Variants in MID1 observed in about 807,000 individuals in gnomAD.
MID1 encodes midline 1.
A neutral mutation model predicts 40.4 loss-of-function variants in MID1; 7 were observed. That is an observed-to-expected ratio of 0.17 (90% CI 0.10 to 0.33). The LOEUF (loss-of-function observed/expected upper bound fraction) is 0.33. Among genes scored for constraint, MID1 ranks in the 10% least tolerant of loss-of-function variants. MID1 has a pLI of 1.00. For missense variants in MID1, 367 were observed against 558.5 expected (o/e 0.66, Z 3.46); for synonymous variants, 229 against 221.2 (o/e 1.04, Z -0.31).
At chrX:10,648,534 A>G (rs777847954) in intron 1 of MID1, among the ~76,000 whole-genome samples, 1 of 112,246 alleles carries the variant, frequency 8.9e-6, no homozygotes, top group Admixed American at 9.5e-5. Context: ...AAAACTCCTT[A>G]ACATATGTGA....
chrX:10,747,596 G>A (rs2043567426), intron 1 of MID1, among the ~76,000 whole-genome samples: 1 of 112,283 alleles, frequency 8.9e-6, no homozygotes, highest in Non-Finnish European at 1.9e-5. Flanking sequence ...GTCTTTTTGT[G>A]ATCTCAAATT....
intron 1 of MID1, among the ~76,000 whole-genome samples, chrX:10,628,927 A>G (rs919259417): frequency 9.0e-6 from 1 of 111,497 alleles, no homozygotes; most frequent in Non-Finnish European, 1.9e-5. Context: ...CCATCTCTCA[A>G]ACTCGAGAAC....
intron 1 of MID1, among the ~76,000 whole-genome samples, chrX:10,723,767 C>G (rs2043373082): frequency 8.9e-6 from 1 of 112,145 alleles, no homozygotes; most frequent in Non-Finnish European, 1.9e-5. Flanking sequence ...GTCTCGATCT[C>G]CTGACCTCGT....
At position 10,501,289 on chromosome X, in the gene MID1, G is replaced by GT. The variant is rs1036260008; in HGVS notation, c.757-5599dup. 29 of 707,141 alleles carry GT rather than the reference G, an allele frequency of 4.1e-5. No homozygotes were observed. The East Asian group carries it at 6.8e-4, about 17-fold the overall frequency. 58.3% of individuals were successfully genotyped at this position (707,141 alleles called of 1,213,427 possible). On this transcript the variant is annotated intron_variant, in intron 3 of 9. Coordinates refer to ENST00000317552, the MANE Select transcript of MID1 (RefSeq NM_000381.4). ...TCAGGCTAGGCTCCTCAATACTATG[G>GT]TTTTTTCTCACCTCAAGTACACTCA...
rs920695521 is a variant in MID1, at chrX:10,779,396, C to T, written c.-187+54158G>A. Reference sequence around the variant, plus strand: ...CCGTGTTGTCCAGGTTGGTTTTGAACTCCTGGGCTCAAGTAATTCTCCTGC... The same window carrying T: ...CCGTGTTGTCCAGGTTGGTTTTGAATTCCTGGGCTCAAGTAATTCTCCTGC... On this transcript the variant is annotated intron_variant, in intron 1 of 10. Coordinates refer to the MID1 transcript ENST00000380785. Among the ~76,000 whole-genome samples, 4 of 111,728 alleles carry T rather than the reference C, an allele frequency of 3.6e-5. No homozygotes were observed. In the Admixed American group the frequency reaches 3.8e-4, roughly 11 times the overall value.
intron 1 of MID1, among the ~76,000 whole-genome samples, chrX:10,601,824 C>A (rs939372753): frequency 9.0e-6 from 1 of 111,060 alleles, no homozygotes; most frequent in Admixed American, 9.5e-5. Flanking sequence ...TACCCCTGTT[C>A]CCTAGGGTTG....
At chrX:10,553,220 C>G (rs1259754812) in intron 2 of MID1, among the ~76,000 whole-genome samples, 1 of 107,439 alleles carries the variant, frequency 9.3e-6, no homozygotes, top group Non-Finnish European at 1.9e-5. Context: ...TGGACTCCAG[C>G]CTGGGCTATG....
At chrX:10,659,442 C>G (rs1344908180) in intron 1 of MID1, among the ~76,000 whole-genome samples, 3 of 111,788 alleles carry the variant, frequency 2.7e-5, no homozygotes, top group African/African-American at 9.8e-5. Flanking sequence ...CTTTCAGAAA[C>G]ACAAACATAT....
chrX:10,829,062 C>G (rs936763931), intron 1 of MID1, among the ~76,000 whole-genome samples: 2 of 112,005 alleles, frequency 1.8e-5, no homozygotes, highest in African/African-American at 6.5e-5. Context: ...AACATTGAGC[C>G]AAGGATATCA....
At chrX:10,698,244 C>T (rs999640951) in intron 1 of MID1, among the ~76,000 whole-genome samples, 1 of 97,540 alleles carries the variant, frequency 1.0e-5, no homozygotes, top group African/African-American at 3.5e-5. Context: ...ACCTGCCCCC[C>T]ATCCCTGCAA....
At chrX:10,635,853 T>A (rs1003618148) in intron 1 of MID1, among the ~76,000 whole-genome samples, 6 of 112,280 alleles carry the variant, frequency 5.3e-5, no homozygotes, top group Non-Finnish European at 9.4e-5. Context: ...GGTCATTGTC[T>A]GTCACAGTCA....
At chrX:10,663,858 G>C (rs1201175838) in intron 1 of MID1, among the ~76,000 whole-genome samples, 1 of 112,117 alleles carries the variant, frequency 8.9e-6, no homozygotes, top group Non-Finnish European at 1.9e-5. Flanking sequence ...TATGTATATT[G>C]AATGTGTTAA....
At chrX:10,718,996 A>G (rs2043326972) in intron 1 of MID1, among the ~76,000 whole-genome samples, 2 of 111,530 alleles carry the variant, frequency 1.8e-5, no homozygotes, top group Non-Finnish European at 3.8e-5. Context: ...AAATTCAACA[A>G]CCCTTCATGC....
chrX:10,646,503 C>G (rs1421971959), intron 1 of MID1, among the ~76,000 whole-genome samples: 2 of 111,396 alleles, frequency 1.8e-5, no homozygotes, highest in Non-Finnish European at 3.8e-5. Context: ...CTGTTCTTCT[C>G]TCTTTCCACC....
intron 1 of MID1, among the ~76,000 whole-genome samples, chrX:10,594,349 A>G (rs1361466517): frequency 1.8e-5 from 2 of 111,372 alleles, no homozygotes; most frequent in Non-Finnish European, 3.8e-5. Flanking sequence ...GTATCTTTTC[A>G]CCAAGCCTTG....
chrX:10,503,590 G>T (rs1931667804), intron 3 of MID1, among the ~76,000 whole-genome samples: 1 of 112,580 alleles, frequency 8.9e-6, no homozygotes, highest in Admixed American at 9.4e-5. Flanking sequence ...AGTGCTTTTG[G>T]TGGGAAGTAA....
intron 1 of MID1, among the ~76,000 whole-genome samples, chrX:10,783,676 T>C (rs185710979): frequency 8.9e-6 from 1 of 112,448 alleles, no homozygotes; most frequent in East Asian, 2.8e-4. Context: ...AATGTTAACA[T>C]ACACAATTTA....
chrX:10,587,140 G>A (rs1935158985), intron 1 of MID1, among the ~76,000 whole-genome samples: 1 of 112,352 alleles, frequency 8.9e-6, no homozygotes, highest in Non-Finnish European at 1.9e-5. Flanking sequence ...GGCTTCTCTC[G>A]CTTTACAATG....
intron 1 of MID1, among the ~76,000 whole-genome samples, chrX:10,749,349 G>A (rs1415535538): frequency 9.0e-6 from 1 of 111,346 alleles, no homozygotes; most frequent in Non-Finnish European, 1.9e-5. Flanking sequence ...TCTCCTGGGA[G>A]CTTGGTAGAA....
Sources: gnomAD v4.1 joint callset for allele counts (sites outside exome capture counted in the v4.1 genomes callset) on GRCh38, gnomAD v4.1.1 for gene constraint, MANE v1.5 for transcripts, NCBI Gene and HGNC (gene_info 2026-07-23, HGNC 2026-07-21) for gene names.